FOXO1: variants seen among roughly 807,000 people sequenced by gnomAD.
The protein encoded by FOXO1 is forkhead box O1.
Under a neutral mutation model 44.1 loss-of-function variants are expected in FOXO1, and 6 were observed. That is an observed-to-expected ratio of 0.14 (90% CI 0.07 to 0.27). The LOEUF (loss-of-function observed/expected upper bound fraction) is 0.27, where lower values mean the gene tolerates loss of function less well. Among genes scored for constraint, FOXO1 ranks in the 10% least tolerant of loss-of-function variants. The pLI, the probability that FOXO1 is intolerant of heterozygous loss-of-function variation, is 1.00. For missense variants in FOXO1, 737 were observed against 888.8 expected (o/e 0.83, Z 2.17); for synonymous variants, 380 against 362.7 (o/e 1.05, Z -0.54).
At chr13:40,603,064 G>A (rs1042047003) in intron 1 of FOXO1, among the ~76,000 whole-genome samples, 1 of 152,148 alleles carries the variant, frequency 6.6e-6, no homozygotes, top group African/African-American at 2.4e-5. Context: ...CAATCTGACA[G>A]AGCCATTTCC....
chr13:40,628,544 T>C (rs757062177), intron 1 of FOXO1, among the ~76,000 whole-genome samples: 2 of 152,096 alleles, frequency 1.3e-5, no homozygotes, highest in Non-Finnish European at 2.9e-5. Flanking sequence ...CCTCTTCAGC[T>C]TTTTTGTTCA....
At chr13:40,653,010 C>T (rs926324407) in intron 1 of FOXO1, among the ~76,000 whole-genome samples, 3 of 152,066 alleles carry the variant, frequency 2.0e-5, no homozygotes, top group Non-Finnish European at 4.4e-5. Context: ...TGCTCTGTCG[C>T]CCAGGCTGGA....
intron 1 of FOXO1, among the ~76,000 whole-genome samples, chr13:40,642,397 C>A (rs4325427): frequency 6.6e-6 from 1 of 151,922 alleles, no homozygotes; most frequent in Non-Finnish European, 1.5e-5. Context: ...ACTTTTGCAC[C>A]GGCAACTATA....
chr13:40,592,436 A>C lies in FOXO1; in HGVS notation c.631-31576T>G, dbSNP rs554429532. Among the ~76,000 whole-genome samples the C allele has an allele frequency of 3.3e-5, 5 of 152,378 alleles. No homozygotes were observed. In the East Asian group the frequency reaches 9.6e-4, roughly 29 times the overall value. On this transcript the variant is annotated intron_variant, in intron 1 of 2. Transcript: ENST00000379561. ...AAAGCAAAAGACCCATCTATATCTCAAAGTTCCAGAACAAAGCTTTTCACT... is the reference window on the plus strand; with the variant it reads ...AAAGCAAAAGACCCATCTATATCTCCAAGTTCCAGAACAAAGCTTTTCACT...
At chr13:40,662,744 C>G (rs904073080) in intron 1 of FOXO1, among the ~76,000 whole-genome samples, 7 of 152,204 alleles carry the variant, frequency 4.6e-5, no homozygotes, top group African/African-American at 7.2e-5. Flanking sequence ...AAGATTCAGC[C>G]TAATTCCCAG....
At chr13:40,571,193 A>T (rs2253001) in intron 1 of FOXO1, among the ~76,000 whole-genome samples, 61,209 of 147,704 alleles carry the variant, frequency 0.41, 13,700 homozygotes, top group East Asian at 0.75. Flanking sequence ...TGTAGGCGGA[A>T]GGGGAACATC....
chr13:40,616,040 T>C (rs538652932), intron 1 of FOXO1, among the ~76,000 whole-genome samples: 6 of 152,188 alleles, frequency 3.9e-5, no homozygotes, highest in Non-Finnish European at 8.8e-5. Context: ...TACAGGGGCT[T>C]GAACCAGACA....
At chr13:40,601,552 C>T (rs999594608) in intron 1 of FOXO1, among the ~76,000 whole-genome samples, 5 of 152,144 alleles carry the variant, frequency 3.3e-5, no homozygotes, top group South Asian at 2.1e-4. Flanking sequence ...GATTTAAACA[C>T]GTATTTGTTC....
Position 40,560,047 on chromosome 13 carries a change from G to T in FOXO1, c.1444C>A (p.Pro482Thr). 7 of 1,614,134 alleles carry T rather than the reference G, an allele frequency of 4.3e-6. No homozygotes were observed. The highest frequency in any genetic ancestry group is 5.9e-6 in the Non-Finnish European group (7 of 1,180,038). The change falls in exon 2 of 3, where the codon CCT (proline) becomes ACT (threonine). Residue 482 changes from proline to threonine, a missense_variant. Physicochemically the swap from Pro to Thr is conservative, Grantham distance 38. Coordinates refer to ENST00000379561, the MANE Select transcript of FOXO1 (RefSeq NM_002015.4). This position sits in a 1 kb window ranked among gnomAD's most constrained non-coding sequence, Gnocchi z 5.1. The stretch of plus-strand genomic sequence containing the variant: ...CGGCTGTTGGGCTGGGCTACCCCAG[G>T]ATCAACTGGTGTCATAATGTCATTA... ...PHNDIMTPVD[P>T]GVAQPNSRVL... is the part of the protein sequence containing the mutation.
intron 1 of FOXO1, among the ~76,000 whole-genome samples, chr13:40,582,205 G>A (rs1874981586): frequency 6.6e-6 from 1 of 152,122 alleles, no homozygotes; most frequent in African/African-American, 2.4e-5. Context: ...CCTATTAAGT[G>A]TGCAATAGCC....
At chr13:40,634,496 A>G (rs1483993105) in intron 1 of FOXO1, among the ~76,000 whole-genome samples, 4 of 152,076 alleles carry the variant, frequency 2.6e-5, no homozygotes, top group Non-Finnish European at 5.9e-5. Flanking sequence ...GGCAACACAG[A>G]CCCCATTTCT....
chr13:40,650,362 T>C (rs138833973), intron 1 of FOXO1, among the ~76,000 whole-genome samples: 340 of 152,306 alleles, frequency 2.2e-3, no homozygotes, highest in Non-Finnish European at 4.1e-3. Context: ...TCCAGTGAGT[T>C]AGAATGCCTT....
At chr13:40,625,926 G>A (rs1031829078) in intron 1 of FOXO1, among the ~76,000 whole-genome samples, 3 of 152,076 alleles carry the variant, frequency 2.0e-5, no homozygotes, top group Admixed American at 2.0e-4. Flanking sequence ...TATGAACCAG[G>A]TCCCTGACCA....
intron 1 of FOXO1, among the ~76,000 whole-genome samples, chr13:40,654,322 T>TAAAAAAAAAAAAA (rs11344939): frequency 2.1e-5 from 1 of 48,198 alleles, no homozygotes; most frequent in Non-Finnish European, 4.2e-5. Flanking sequence ...CTAAAAATAC[T>TAAAAAAAAAAAAA]AAAAAAAAAA....
intron 1 of FOXO1, among the ~76,000 whole-genome samples, chr13:40,603,067 C>T (rs1297835581): frequency 1.3e-5 from 2 of 152,136 alleles, no homozygotes; most frequent in Non-Finnish European, 2.9e-5. Context: ...TCTGACAGAG[C>T]CATTTCCTCA....
chr13:40,591,583 G>A (rs934798283), intron 1 of FOXO1, among the ~76,000 whole-genome samples: 2 of 152,224 alleles, frequency 1.3e-5, no homozygotes, highest in South Asian at 2.1e-4. Flanking sequence ...GCAGAGTGGA[G>A]ACTAGCAGAT....
intron 1 of FOXO1, among the ~76,000 whole-genome samples, chr13:40,566,363 A>G (rs1377718628): frequency 6.7e-6 from 1 of 149,958 alleles, no homozygotes; most frequent in Non-Finnish European, 1.5e-5. Flanking sequence ...AATCTTTACA[A>G]CTTTCATTGA....
intron 1 of FOXO1, among the ~76,000 whole-genome samples, chr13:40,562,512 C>T (rs1055273065): frequency 1.3e-5 from 2 of 152,178 alleles, no homozygotes; most frequent in African/African-American, 4.8e-5. Flanking sequence ...AGGGTTGTTA[C>T]ATGTACTAAA....
At chr13:40,613,006 G>A (rs571451693) in intron 1 of FOXO1, among the ~76,000 whole-genome samples, 32 of 152,190 alleles carry the variant, frequency 2.1e-4, no homozygotes, top group East Asian at 3.9e-4. Flanking sequence ...CCCTGCCCTC[G>A]TATTCCTTTC....
Sources: gnomAD v4.1 joint callset for allele counts (sites outside exome capture counted in the v4.1 genomes callset) on GRCh38, gnomAD v4.1.1 for gene constraint, Gnocchi (gnomAD v3.1) non-coding constraint, MANE v1.5 for transcripts, NCBI Gene and HGNC (gene_info 2026-07-23, HGNC 2026-07-21) for gene names.